The following WBP11 variants were observed in gnomAD, a reference collection of about 807,000 sequenced individuals.
WBP11 encodes the protein WW domain-binding protein 11.
In WBP11, 12 loss-of-function variants were observed where a neutral mutation model predicts 66.7. The ratio of observed to expected loss-of-function variants is 0.18; its 90% CI spans 0.12 to 0.29. The LOEUF (loss-of-function observed/expected upper bound fraction) is 0.29. Ranked by LOEUF, WBP11 falls within the 10% of genes least tolerant of loss-of-function variation. WBP11 has a pLI of 1.00. For missense variants in WBP11, 555 were observed against 818.3 expected (o/e 0.68, Z 3.93); for synonymous variants, 255 against 273.8 (o/e 0.93, Z 0.68).
intron 8 of WBP11, 37 bp from the exon 9 acceptor site, chr12:14,791,307 T>C (rs958074617): frequency 2.6e-5 from 41 of 1,566,894 alleles, no homozygotes; most frequent in Non-Finnish European, 3.3e-5. Flanking sequence ...TAGATTGGCA[T>C]CAACAAAATT....
intron 9 of WBP11, among the ~76,000 whole-genome samples, 156 bp from the exon 10 acceptor site, chr12:14,790,905 C>A (rs567937691): frequency 1.3e-4 from 20 of 152,148 alleles, no homozygotes; most frequent in Non-Finnish European, 2.5e-4. Context: ...AAAGAAATAA[C>A]ATTCTACTTA....
Position 14,801,424 on chromosome 12 carries a change from A to T in WBP11, c.-41T>A. The T allele has an allele frequency of 6.3e-7, 1 of 1,591,550 alleles. No individual in the cohort carries two copies. Among genetic ancestry groups the T allele is most frequent in the Non-Finnish European group, 8.6e-7 (1 of 1,162,512 alleles). On this transcript the variant is annotated 5_prime_UTR_variant, in exon 2 of 12. Transcript: ENST00000261167. Reference sequence around the variant, plus strand: ...GGTTTACTTGTTCATTAAAAAAAGAAAAACCTGTGAAGGTGAAGACAAAGA... The same window carrying T: ...GGTTTACTTGTTCATTAAAAAAAGATAAACCTGTGAAGGTGAAGACAAAGA...
intron 4 of WBP11, 61 bp downstream of exon 4, chr12:14,799,574 C>G: frequency 6.6e-7 from 1 of 1,512,428 alleles, no homozygotes; most frequent in Non-Finnish European, 9.1e-7. Flanking sequence ...CTGCTTCACT[C>G]GTTACCTGCC....
At chr12:14,790,980 T>C (rs1949815337) in intron 9 of WBP11, among the ~76,000 whole-genome samples, 189 bp downstream of exon 9, 1 of 152,262 alleles carries the variant, frequency 6.6e-6, no homozygotes, top group Non-Finnish European at 1.5e-5. Flanking sequence ...AATATTTAAA[T>C]GCCAGCCCCA....
chr12:14,797,537 C>G (rs1592221635), intron 4 of WBP11, among the ~76,000 whole-genome samples: 1 of 152,210 alleles, frequency 6.6e-6, no homozygotes, highest in Non-Finnish European at 1.5e-5. Context: ...ACAATCCTTT[C>G]TCTCCCTAAC....
chr12:14,800,721 A>C, intron 3 of WBP11, 31 bp downstream of exon 3: 1 of 1,584,502 alleles, frequency 6.3e-7, no homozygotes, highest in South Asian at 1.1e-5. Context: ...AACAATACTT[A>C]AAGTTTTATA....
chr12:14,787,601 T>C, intron 11 of WBP11, 103 bp from the exon 12 acceptor site: 1 of 1,066,212 alleles, frequency 9.4e-7, no homozygotes, highest in East Asian at 2.8e-5. Context: ...AATAAATGGA[T>C]AACAACTTAC....
At chr12:14,799,069 G>A (rs1382761221) in intron 4 of WBP11, among the ~76,000 whole-genome samples, 2 of 152,058 alleles carry the variant, frequency 1.3e-5, no homozygotes, top group African/African-American at 4.8e-5. Flanking sequence ...ACAAAGCAGC[G>A]ATACTTAAAA....
At chr12:14,793,680 G>A (rs766000539) in intron 8 of WBP11, 51 bp downstream of exon 8, 7 of 1,565,520 alleles carry the variant, frequency 4.5e-6, no homozygotes, top group Non-Finnish European at 6.1e-6. Context: ...AGGACCTTCA[G>A]CTTGTTTTCT....
rs150474874 is a variant in WBP11, at chr12:14,796,166, A to C, written c.387+641T>G. On this transcript the variant is annotated intron_variant, in intron 5 of 11. Transcript: ENST00000261167. This position sits in a 1 kb window ranked among gnomAD's most constrained non-coding sequence, Gnocchi z 4.5. Reference sequence around the variant, plus strand: ...CTTAGCATGTTTTTGAGATTTACTCACAATTTTTCTTTTTTTATTCCATGC... The same window carrying C: ...CTTAGCATGTTTTTGAGATTTACTCCCAATTTTTCTTTTTTTATTCCATGC... 3.3e-4 allele frequency among the ~76,000 whole-genome samples: 51 copies of C among 152,262 alleles called. No individual in the cohort carries two copies. The East Asian group carries it at 9.4e-3, about 28-fold the overall frequency.
At position 14,795,121 on chromosome 12, in the gene WBP11, T is replaced by C. The variant is rs892004979; in HGVS notation, c.388-17A>G. 4.5e-6 allele frequency: 7 copies of C among 1,558,458 alleles called. No individual in the cohort carries two copies. The Admixed American group carries it at 1.0e-4, about 23-fold the overall frequency. On this transcript the variant is annotated splice_polypyrimidine_tract_variant and intron_variant, in intron 5 of 11. Transcript: ENST00000261167. ...CTGAGCATTCTGAAACAGAGAACCA[T>C]TCAGTAGTATGATAAAAAAGTCATC...
chr12:14,790,675 A>G lies in WBP11; in HGVS notation c.1090T>C (p.Ser364Pro), dbSNP rs1274033574. 1.2e-6 allele frequency: 2 copies of G among 1,614,224 alleles called. No individual in the cohort carries two copies. The highest frequency in any genetic ancestry group is 2.2e-5 in the East Asian group (1 of 44,888). ...TTTTGTGATTGCTTTTCTGCTTCAG[A>G]GTCATCAGAATCATCTTCATCATCG... is the stretch of plus-strand genomic sequence containing the variant. ...EDDDEDDSDD[S>P]EAEKQSQKQH... Residue 364 changes from serine (S) to proline (P), a missense_variant, in exon 10 of 12, where the codon TCT becomes CCT. Transcript: ENST00000261167.
In WBP11 at chr12:14,799,211, C is replaced by T. The variant is rs1457474243; in HGVS notation, c.190+424G>A. 3.9e-5 allele frequency among the ~76,000 whole-genome samples: 6 copies of T among 152,132 alleles called. No individual in the cohort carries two copies. The East Asian group carries it at 1.2e-3, about 29-fold the overall frequency. On this transcript the variant is annotated intron_variant, in intron 4 of 11. Transcript: ENST00000261167. ...ATATCCTTACTAAATGGATAAGTAT[C>T]TTTTTGGATCTTCTGATTGGAAAAA...
chr12:14,793,031 GT>G (rs893060914), intron 8 of WBP11, among the ~76,000 whole-genome samples: 3 of 151,682 alleles, frequency 2.0e-5, no homozygotes, highest in African/African-American at 7.3e-5. Context: ...CAGCTTTTTT[GT>G]TCTTGCAACC....
At chr12:14,802,042 C>G (rs1949970810) in intron 1 of WBP11, 1 of 152,088 alleles carries the variant, frequency 6.6e-6, no homozygotes, top group South Asian at 2.1e-4. Flanking sequence ...ACTAAAAATG[C>G]AAATATTTGA....
chr12:14,791,421 C>A (rs1444130565), intron 8 of WBP11, 151 bp from the exon 9 acceptor site: 3 of 533,796 alleles, frequency 5.6e-6, no homozygotes, highest in Admixed American at 7.3e-5. Context: ...ATACGAACAC[C>A]CAGATAAAAA....
At chr12:14,795,329 C>G (rs953025192) in intron 5 of WBP11, among the ~76,000 whole-genome samples, 1 of 152,068 alleles carries the variant, frequency 6.6e-6, no homozygotes, top group African/African-American at 2.4e-5. Flanking sequence ...TTTTTTTCTC[C>G]TCTTATCAGG....
At chr12:14,795,218 A>G in intron 5 of WBP11, 114 bp from the exon 6 acceptor site, 1 of 1,162,872 alleles carries the variant, frequency 8.6e-7, no homozygotes, top group South Asian at 1.8e-5. Flanking sequence ...TAACATAAAT[A>G]TCACCAAAAA....
At chr12:14,798,180 G>A (rs1275535874) in intron 4 of WBP11, among the ~76,000 whole-genome samples, 2 of 151,928 alleles carry the variant, frequency 1.3e-5, no homozygotes, top group Non-Finnish European at 1.5e-5. Flanking sequence ...AAATCCAGAG[G>A]GCGTATTCTT....
Sources: allele counts gnomAD v4.1 joint callset (sites outside exome capture counted in the v4.1 genomes callset), GRCh38; gene constraint gnomAD v4.1.1; non-coding constraint Gnocchi (gnomAD v3.1); transcripts MANE v1.5; gene names NCBI Gene and HGNC (gene_info 2026-07-23, HGNC 2026-07-21).